The following FRMD4A variants were observed in gnomAD, a reference collection of about 807,000 sequenced individuals.
The protein encoded by FRMD4A is FERM domain containing 4A, also known as FERM domain-containing protein 4A.
In FRMD4A, 29 loss-of-function variants were observed where a neutral mutation model predicts 129.1. The ratio of observed to expected loss-of-function variants is 0.22; its 90% CI spans 0.17 to 0.31. The LOEUF is 0.31. Among genes scored for constraint, FRMD4A ranks in the 10% least tolerant of loss-of-function variants. The pLI is 1.00. For missense variants in FRMD4A, 1,272 were observed against 1,375.8 expected (o/e 0.92, Z 1.19); for synonymous variants, 634 against 571.6 (o/e 1.11, Z -1.56).
At chr10:14,159,269 T>C (rs951883759) in intron 2 of FRMD4A, among the ~76,000 whole-genome samples, 7 of 152,210 alleles carry the variant, frequency 4.6e-5, no homozygotes, top group African/African-American at 1.7e-4. Flanking sequence ...TGAGCCACAT[T>C]GCTAATTTTA....
chr10:13,891,354 C>G (rs1179441781), intron 2 of FRMD4A, among the ~76,000 whole-genome samples: 6 of 152,142 alleles, frequency 3.9e-5, no homozygotes. Context: ...CCTATCTCCC[C>G]GGGTAGATTC....
rs182393850 is a variant in FRMD4A, at chr10:14,189,302, G to A, written c.45+140756C>T. ...AGGAGGAAGAGAATGGGCCCGGCGCGGTTGCTCACGCCTGTAATCCCAGCA... is the reference window on the plus strand; with the variant it reads ...AGGAGGAAGAGAATGGGCCCGGCGCAGTTGCTCACGCCTGTAATCCCAGCA... On this transcript the variant is annotated intron_variant, in intron 2 of 24. Coordinates refer to ENST00000357447, the MANE Select transcript of FRMD4A (RefSeq NM_018027.5). Among the ~76,000 whole-genome samples the A allele has an allele frequency of 1.8e-4, 27 of 152,228 alleles. No individual in the cohort carries two copies. In the East Asian group the frequency reaches 3.5e-3, roughly 20 times the overall value.
chr10:14,150,638 G>A (rs1443956340), intron 2 of FRMD4A, among the ~76,000 whole-genome samples: 3 of 152,072 alleles, frequency 2.0e-5, no homozygotes, highest in East Asian at 1.9e-4. Flanking sequence ...TAGAGGCTCT[G>A]CCAGTGATTT....
At chr10:14,061,512 G>A (rs914105690) in intron 2 of FRMD4A, among the ~76,000 whole-genome samples, 7 of 152,132 alleles carry the variant, frequency 4.6e-5, no homozygotes, top group African/African-American at 1.7e-4. Flanking sequence ...TTATCAAAGG[G>A]TAGAAAACCA....
At chr10:13,890,545 C>T in intron 2 of FRMD4A, 2 of 980,514 alleles carry the variant, frequency 2.0e-6, no homozygotes, top group Non-Finnish European at 2.4e-6. Context: ...GATGTATTCC[C>T]GATAGAACAG....
chr10:14,297,395 G>A (rs1846044070), intron 2 of FRMD4A, among the ~76,000 whole-genome samples: 1 of 151,650 alleles, frequency 6.6e-6, no homozygotes, highest in Non-Finnish European at 1.5e-5. Flanking sequence ...AAGGAGGCAG[G>A]CAGACCCAGG....
At chr10:13,723,399 C>A (rs2089621330) in intron 12 of FRMD4A, among the ~76,000 whole-genome samples, 1 of 152,168 alleles carries the variant, frequency 6.6e-6, no homozygotes, top group African/African-American at 2.4e-5. Context: ...TATGAGTGTT[C>A]AAACTCACAG....
At chr10:13,962,994 C>A (rs986528223) in intron 2 of FRMD4A, among the ~76,000 whole-genome samples, 1 of 152,212 alleles carries the variant, frequency 6.6e-6, no homozygotes, top group Admixed American at 6.5e-5. Flanking sequence ...ATACTGTCCA[C>A]ATCAAGGAAG....
intron 2 of FRMD4A, among the ~76,000 whole-genome samples, chr10:14,174,933 G>A (rs574258105): frequency 2.7e-5 from 4 of 150,802 alleles, no homozygotes; most frequent in South Asian, 2.1e-4. Context: ...GCGCGCGTAC[G>A]GGCACACTGT....
chr10:14,261,728 T>C (rs1844807136), intron 2 of FRMD4A, among the ~76,000 whole-genome samples: 1 of 152,162 alleles, frequency 6.6e-6, no homozygotes, highest in African/African-American at 2.4e-5. Flanking sequence ...GTCCATTGTT[T>C]AATTTCTCTG....
chr10:14,157,978 T>C (rs554155280), intron 2 of FRMD4A, among the ~76,000 whole-genome samples: 1 of 152,270 alleles, frequency 6.6e-6, no homozygotes, highest in African/African-American at 2.4e-5. Flanking sequence ...AAGCTCAGCA[T>C]GGACAGAGAC....
intron 15 of FRMD4A, among the ~76,000 whole-genome samples, chr10:13,689,539 T>C: frequency 1.9e-5 from 1 of 51,980 alleles, no homozygotes; most frequent in African/African-American, 7.2e-5. Context: ...GGAACATAGA[T>C]TAGAAGATTC....
chr10:14,271,534 C>G (rs1845164188), intron 2 of FRMD4A, among the ~76,000 whole-genome samples: 1 of 152,144 alleles, frequency 6.6e-6, no homozygotes, highest in Non-Finnish European at 1.5e-5. Context: ...AGGCTCACTC[C>G]ACACAGAGAG....
Position 13,656,926 on chromosome 10 carries a change from C to T in FRMD4A, c.2663G>A (p.Gly888Asp), listed in dbSNP as rs1242304729. The T allele has an allele frequency of 4.7e-6, 7 of 1,478,832 alleles. No homozygotes were observed. Among genetic ancestry groups the T allele is most frequent in the East Asian group, 2.9e-5 (1 of 35,056 alleles). The allele number at this position is 1,478,832 out of a possible 1,614,324, so 91.6% of individuals were successfully genotyped here. Residue 888 changes from glycine to aspartate, a missense_variant, in exon 22 of 25, where the codon GGC (glycine) becomes GAC (aspartate). By Grantham distance (94) the Gly-to-Asp change is moderately conservative. Around this residue, in one of 2 missense-constraint regions of FRMD4A, gnomAD observed 972 missense variants for 892.3 expected, o/e 1.09. Coordinates refer to ENST00000357447, the MANE Select transcript of FRMD4A (RefSeq NM_018027.5). ...LFKESWRGGG[G>D]DEGDTGRLTP... Reference sequence around the variant, plus strand: ...CAGGCGGCCCGTGTCGCCCTCGTCGCCGCCGCCGCCGCGCCAGCTCTCCTT... The same window carrying T: ...CAGGCGGCCCGTGTCGCCCTCGTCGTCGCCGCCGCCGCGCCAGCTCTCCTT...
intron 2 of FRMD4A, among the ~76,000 whole-genome samples, chr10:13,868,589 G>A (rs1416313324): frequency 2.0e-5 from 3 of 152,160 alleles, no homozygotes; most frequent in Admixed American, 2.0e-4. Context: ...GATCATTTGA[G>A]CTCAGGAGTT....
rs562699477 is a variant in FRMD4A at position 13,818,943 on chromosome 10, C to T, written c.112-8035G>A. ...GAGTTTGAGACTAGCCTGGCCAACACGGTGAAACCCTGTCTCTACTAAAAA... is the reference window on the plus strand; with the variant it reads ...GAGTTTGAGACTAGCCTGGCCAACATGGTGAAACCCTGTCTCTACTAAAAA... On this transcript the variant is annotated intron_variant, in intron 3 of 24. Coordinates refer to ENST00000357447, the MANE Select transcript of FRMD4A (RefSeq NM_018027.5). Among the ~76,000 whole-genome samples the T allele has an allele frequency of 3.7e-4, 56 of 152,196 alleles. No homozygotes were observed. In the South Asian group the frequency reaches 9.8e-3, roughly 27 times the overall value.
intron 8 of FRMD4A, among the ~76,000 whole-genome samples, chr10:13,752,765 C>CAACACAA (rs2091687859): frequency 2.0e-5 from 3 of 152,186 alleles, no homozygotes; most frequent in Admixed American, 1.3e-4. Flanking sequence ...GTTGCAGGTC[C>CAACACAA]TTCATCCATT....
chr10:14,181,538 G>A (rs909385933), intron 2 of FRMD4A, among the ~76,000 whole-genome samples: 3 of 152,272 alleles, frequency 2.0e-5, no homozygotes, highest in East Asian at 1.9e-4. Context: ...TTTACCTCCC[G>A]CTTTTGTTGG....
chr10:14,026,013 G>A (rs1467849453), intron 2 of FRMD4A, among the ~76,000 whole-genome samples: 6 of 152,116 alleles, frequency 3.9e-5, no homozygotes, highest in African/African-American at 9.7e-5. Context: ...ATCAGCCTTC[G>A]TCTAGCAAGC....
Sources: gnomAD v4.1 joint callset for allele counts (sites outside exome capture counted in the v4.1 genomes callset) on GRCh38, gnomAD v4.1.1 for gene constraint, gnomAD v4.1.1 regional missense constraint, MANE v1.5 for transcripts, NCBI Gene and HGNC (gene_info 2026-07-23, HGNC 2026-07-21) for gene names.